MAN2A1: variants seen among roughly 807,000 people sequenced by gnomAD.
MAN2A1 encodes the protein alpha-mannosidase 2.
MAN2A1 carries 76 observed loss-of-function variants against 142.6 expected under a neutral mutation model. The observed-to-expected ratio is 0.53, with a 90% CI of 0.44 to 0.65. MAN2A1 has a LOEUF of 0.65. Ranked by LOEUF, MAN2A1 falls within the 30% of genes least tolerant of loss-of-function variation. The pLI, the probability that MAN2A1 is intolerant of heterozygous loss-of-function variation, is 0.00. For synonymous variants in MAN2A1, 559 were observed against 473.2 expected (o/e 1.18, Z -2.35); for missense variants, 1,311 against 1,365.1 (o/e 0.96, Z 0.62).
intron 17 of MAN2A1, among the ~76,000 whole-genome samples, chr5:109,843,285 G>A (rs1580309895): frequency 6.6e-6 from 1 of 152,280 alleles, no homozygotes; most frequent in East Asian, 1.9e-4. Flanking sequence ...AGGCAAGAGA[G>A]AGAAAAGCCC....
At chr5:109,818,623 A>G (rs1309636703) in intron 13 of MAN2A1, among the ~76,000 whole-genome samples, 1 of 152,120 alleles carries the variant, frequency 6.6e-6, no homozygotes, top group Non-Finnish European at 1.5e-5. Context: ...TATCATTTTT[A>G]TTAACCGAAA....
intron 12 of MAN2A1, among the ~76,000 whole-genome samples, chr5:109,791,674 T>C (rs755806133): frequency 1.3e-5 from 2 of 152,022 alleles, no homozygotes; most frequent in Admixed American, 6.6e-5. Context: ...TTTTTGGGGA[T>C]TTGAAGAAAA....
At position 109,819,895 on chromosome 5, in the gene MAN2A1, C is replaced by T; in HGVS notation, c.2328+8C>T. On this transcript the variant is annotated splice_region_variant and intron_variant, in intron 14 of 21. Coordinates refer to ENST00000261483, the MANE Select transcript of MAN2A1 (RefSeq NM_002372.4). ...CAAACTGGACTTATGAAGGTATGTT[C>T]TGAATAGTTCTAAAATTCATAGAAT... The T allele has an allele frequency of 6.6e-7, 1 of 1,519,824 alleles. No homozygotes were observed. Among genetic ancestry groups the T allele is most frequent in the Non-Finnish European group, 8.9e-7 (1 of 1,124,824 alleles). The allele number at this position is 1,519,824 out of a possible 1,614,324, so 94.1% of individuals were successfully genotyped here. A position where few individuals can be genotyped will look rare whatever the true frequency, so the allele number is the denominator to read the frequency against.
chr5:109,761,024 G>C (rs1384350708), intron 5 of MAN2A1, among the ~76,000 whole-genome samples: 1 of 151,262 alleles, frequency 6.6e-6, no homozygotes, highest in Non-Finnish European at 1.5e-5. Context: ...GTTTTTAGTG[G>C]TATCTTTTTC....
At chr5:109,756,154 T>A (rs1438108736) in intron 5 of MAN2A1, among the ~76,000 whole-genome samples, 2 of 152,094 alleles carry the variant, frequency 1.3e-5, no homozygotes. Context: ...CAGGGTCAGC[T>A]GCACCTAAAG....
intron 4 of MAN2A1, among the ~76,000 whole-genome samples, chr5:109,743,105 T>C (rs1752314030): frequency 1.3e-5 from 2 of 152,168 alleles, no homozygotes; most frequent in Non-Finnish European, 2.9e-5. Context: ...CTGTCCTCTT[T>C]TGGCTTTGAA....
chr5:109,809,261 G>A (rs996193375), intron 12 of MAN2A1, among the ~76,000 whole-genome samples: 1 of 152,044 alleles, frequency 6.6e-6, no homozygotes, highest in Non-Finnish European at 1.5e-5. Flanking sequence ...GAAAAGCATA[G>A]ATGACTTATT....
chr5:109,812,716 A>G (rs1754351262), intron 12 of MAN2A1, among the ~76,000 whole-genome samples: 1 of 152,326 alleles, frequency 6.6e-6, no homozygotes, highest in Admixed American at 6.5e-5. Flanking sequence ...CAAAGGGACT[A>G]ATTATATAAT....
chr5:109,787,857 A>T (rs1753633570), intron 10 of MAN2A1, among the ~76,000 whole-genome samples: 1 of 151,862 alleles, frequency 6.6e-6, no homozygotes, highest in Admixed American at 6.6e-5. Context: ...AAAACATTTG[A>T]ATATGTTGGG....
At chr5:109,840,484 C>G (rs577307227) in intron 16 of MAN2A1, 2 of 480,274 alleles carry the variant, frequency 4.2e-6, no homozygotes, top group South Asian at 3.2e-5. Context: ...ACCGAGAATC[C>G]AATTGGCTTG....
chr5:109,720,618 T>C (rs2112571442), intron 3 of MAN2A1, among the ~76,000 whole-genome samples: 1 of 152,270 alleles, frequency 6.6e-6, no homozygotes, highest in Admixed American at 6.5e-5. Flanking sequence ...TGGGCCACAT[T>C]GGAAGAAAAA....
chr5:109,860,109 T>A (rs1162625149), intron 20 of MAN2A1, among the ~76,000 whole-genome samples: 1 of 152,076 alleles, frequency 6.6e-6, no homozygotes. Flanking sequence ...TAAAAGGCAG[T>A]TTGAGGATTT....
chr5:109,755,467 G>C lies in MAN2A1; in HGVS notation c.835+11G>C. 6.2e-7 allele frequency: 1 copy of C among 1,603,534 alleles called. No homozygotes were observed. The highest frequency in any genetic ancestry group is 8.5e-7 in the Non-Finnish European group (1 of 1,173,870). On this transcript the variant is annotated intron_variant, in intron 5 of 21. Transcript: ENST00000261483. ...TGGAAAATAATATAGGTATGTATTG[G>C]TATATTCTTTATTTGGGCTATTTTG...
intron 12 of MAN2A1, among the ~76,000 whole-genome samples, chr5:109,811,127 A>C (rs1754305654): frequency 6.6e-6 from 1 of 151,938 alleles, no homozygotes; most frequent in Non-Finnish European, 1.5e-5. Flanking sequence ...TTTGTACCAC[A>C]GATTATATAT....
chr5:109,775,975 G>A (rs1168323702), intron 8 of MAN2A1, among the ~76,000 whole-genome samples: 3 of 151,770 alleles, frequency 2.0e-5, no homozygotes, highest in Non-Finnish European at 2.9e-5. Context: ...TGATACATGC[G>A]GAGAATGTAT....
In MAN2A1 at chr5:109,690,200, GA is replaced by G; in HGVS notation, c.-217del. On this transcript the variant is annotated 5_prime_UTR_variant, in exon 1 of 22. Coordinates refer to ENST00000261483, the MANE Select transcript of MAN2A1 (RefSeq NM_002372.4). ...GAGTCTCGCCTCGAGAGGGGCGCCC[GA>G]CCCCGGGGAGGGCGGCAGGCCAGGG... 7 of 518,360 alleles carry G rather than the reference GA, an allele frequency of 1.4e-5. No homozygotes were observed. The Admixed American group carries it at 1.9e-4, about 14-fold the overall frequency. 32.1% of individuals were successfully genotyped at this position (518,360 alleles called of 1,614,324 possible). A position where few individuals can be genotyped will look rare whatever the true frequency, so the allele number is the denominator to read the frequency against.
intron 12 of MAN2A1, among the ~76,000 whole-genome samples, chr5:109,802,795 G>A (rs983503624): frequency 1.3e-5 from 2 of 151,674 alleles, no homozygotes; most frequent in African/African-American, 4.8e-5. Flanking sequence ...ACTGAGTGTT[G>A]TAGCTTCCTA....
intron 16 of MAN2A1, among the ~76,000 whole-genome samples, chr5:109,835,711 C>T (rs1485112915): frequency 6.6e-6 from 1 of 152,080 alleles, no homozygotes; most frequent in African/African-American, 2.4e-5. Flanking sequence ...GCCTCTCACT[C>T]CTATAACTGG....
At chr5:109,837,393 A>G (rs181613127) in intron 16 of MAN2A1, among the ~76,000 whole-genome samples, 66 of 152,032 alleles carry the variant, frequency 4.3e-4, no homozygotes, top group Middle Eastern at 6.8e-3. Context: ...AAAAACAAAA[A>G]CAAAATCTGG....
Sources: gnomAD v4.1 joint callset for allele counts (sites outside exome capture counted in the v4.1 genomes callset) on GRCh38, gnomAD v4.1.1 for gene constraint, MANE v1.5 for transcripts, NCBI Gene and HGNC (gene_info 2026-07-23, HGNC 2026-07-21) for gene names.